The following PRR16 variants were observed in gnomAD, a reference collection of about 807,000 sequenced individuals.
PRR16 encodes protein Largen.
Under a neutral mutation model 18.2 loss-of-function variants are expected in PRR16, and 6 were observed. The observed-to-expected ratio is 0.33, with a 90% CI of 0.18 to 0.65. PRR16 has a LOEUF of 0.65. PRR16 is among the 30% of genes least tolerant of loss of function. The probability of loss-of-function intolerance (pLI) is 0.74; values close to 1 mark genes in which losing one functional copy is unlikely to be tolerated. For synonymous variants in PRR16, 151 were observed against 147.8 expected (o/e 1.02, Z -0.16); for missense variants, 412 against 376.6 (o/e 1.09, Z -0.78).
intron 1 of PRR16, among the ~76,000 whole-genome samples, chr5:120,676,049 A>T (rs758813496): frequency 2.2e-4 from 34 of 152,174 alleles, no homozygotes; most frequent in Non-Finnish European, 4.4e-4. Flanking sequence ...AAAATTTTTA[A>T]GTATATATCC....
At chr5:120,682,992 C>T (rs1197201009) in intron 1 of PRR16, among the ~76,000 whole-genome samples, 1 of 152,162 alleles carries the variant, frequency 6.6e-6, no homozygotes, top group Non-Finnish European at 1.5e-5. Flanking sequence ...GTTAACCTGA[C>T]TAAGAGAAGA....
At chr5:120,682,750 T>C (rs142386708) in intron 1 of PRR16, among the ~76,000 whole-genome samples, 445 of 152,298 alleles carry the variant, frequency 2.9e-3, no homozygotes, top group Non-Finnish European at 5.0e-3. Flanking sequence ...CAGTGGTCAT[T>C]TATGGATAAA....
At chr5:120,533,065 GC>G (rs1751602521) in intron 1 of PRR16, among the ~76,000 whole-genome samples, 1 of 152,152 alleles carries the variant, frequency 6.6e-6, no homozygotes, top group African/African-American at 2.4e-5. Context: ...CCTTGTGGGG[GC>G]TACGGCAACT....
the PRR16 span, among the ~76,000 whole-genome samples, chr5:120,697,617 G>A: frequency 6.6e-6 from 1 of 152,126 alleles, no homozygotes; most frequent in African/African-American, 2.4e-5. Context: ...TTTCACCTGG[G>A]TGCAGGCGGG....
chr5:120,691,483 CTAT>C (rs1757208630), downstream of PRR16, among the ~76,000 whole-genome samples: 1 of 151,972 alleles, frequency 6.6e-6, no homozygotes, highest in South Asian at 2.1e-4. Context: ...AGTTCAAAGA[CTAT>C]TATTTTGGAT....
At chr5:120,755,641 A>C in the PRR16 span, among the ~76,000 whole-genome samples, 1 of 152,010 alleles carries the variant, frequency 6.6e-6, no homozygotes, top group Non-Finnish European at 1.5e-5. Flanking sequence ...GTCGAGGACC[A>C]CCTAGGTTGA....
chr5:120,663,621 A>G (rs1030772772), intron 1 of PRR16, among the ~76,000 whole-genome samples: 49 of 152,312 alleles, frequency 3.2e-4, no homozygotes, highest in African/African-American at 1.2e-3. Flanking sequence ...AGCTCAAGCT[A>G]AAACACTTGA....
chr5:120,564,191 CTG>C (rs2112722465), intron 1 of PRR16, among the ~76,000 whole-genome samples: 1 of 152,246 alleles, frequency 6.6e-6, no homozygotes, highest in Admixed American at 6.5e-5. Context: ...ACTTTTGTTG[CTG>C]TGAGCTGCAA....
intron 1 of PRR16, among the ~76,000 whole-genome samples, chr5:120,541,810 T>A (rs1751925197): frequency 6.6e-6 from 1 of 152,138 alleles, no homozygotes; most frequent in African/African-American, 2.4e-5. Flanking sequence ...ATAGGCTTTG[T>A]GGAATAGATA....
chr5:120,667,061 A>G (rs1246176809), intron 1 of PRR16, among the ~76,000 whole-genome samples: 1 of 151,776 alleles, frequency 6.6e-6, no homozygotes, highest in Non-Finnish European at 1.5e-5. Context: ...TACCTCTGGT[A>G]GAATTCGGCT....
At chr5:120,581,178 A>T (rs1753259609) in intron 1 of PRR16, among the ~76,000 whole-genome samples, 1 of 152,152 alleles carries the variant, frequency 6.6e-6, no homozygotes, top group Admixed American at 6.5e-5. Flanking sequence ...GTAGGCTATT[A>T]ATTACTACCT....
chr5:120,710,328 G>C, the PRR16 span, among the ~76,000 whole-genome samples: 1 of 152,040 alleles, frequency 6.6e-6, no homozygotes, highest in African/African-American at 2.4e-5. Flanking sequence ...TTTAGTGGGA[G>C]GAAAGGGGAG....
chr5:120,497,942 G>A (rs1013202959), intron 1 of PRR16, among the ~76,000 whole-genome samples: 1 of 151,500 alleles, frequency 6.6e-6, no homozygotes, highest in Non-Finnish European at 1.5e-5. Flanking sequence ...ATATTGATGT[G>A]AGTTTTTAAT....
chr5:120,687,555 C>A (rs1183923077), downstream of PRR16, among the ~76,000 whole-genome samples: 1 of 152,210 alleles, frequency 6.6e-6, no homozygotes, highest in African/African-American at 2.4e-5. Context: ...CCTCCTCATA[C>A]TCAGCATTCT....
the PRR16 span, among the ~76,000 whole-genome samples, chr5:120,751,014 C>T: frequency 6.6e-6 from 1 of 152,004 alleles, no homozygotes; most frequent in Admixed American, 6.6e-5. Flanking sequence ...TTTTAGCTTC[C>T]ATATATGAAG....
rs573776942 is a variant in PRR16 at position 120,632,872 on chromosome 5, C to G, written c.160-53082C>G. Among the ~76,000 whole-genome samples, 55 of 152,220 alleles carry G rather than the reference C, an allele frequency of 3.6e-4. 1 individual carries two copies. In the South Asian group the frequency reaches 0.011, roughly 31 times the overall value. ...GATCTAGACATGCAAATACAAGAAG[C>G]TCAAATAACACCTGGGAAATTCATT... is the stretch of plus-strand genomic sequence containing the variant. On this transcript the variant is annotated intron_variant, in intron 1 of 1. Transcript: ENST00000407149.
At chr5:120,638,097 T>C (rs1242508639) in intron 1 of PRR16, among the ~76,000 whole-genome samples, 1 of 152,124 alleles carries the variant, frequency 6.6e-6, no homozygotes, top group African/African-American at 2.4e-5. Flanking sequence ...ACAAATAGCC[T>C]GGAGGTAATG....
chr5:120,690,551 T>C (rs1757196904), downstream of PRR16, among the ~76,000 whole-genome samples: 1 of 152,164 alleles, frequency 6.6e-6, no homozygotes, highest in Admixed American at 6.6e-5. Context: ...GAGCAATAAA[T>C]TTCTATAAAA....
the PRR16 span, among the ~76,000 whole-genome samples, chr5:120,788,228 T>G: frequency 1.1e-4 from 17 of 152,084 alleles, no homozygotes; most frequent in African/African-American, 3.6e-4. Context: ...AAGAAATAAG[T>G]TTTTTGTATC....
Sources: gnomAD v4.1 joint callset for allele counts (sites outside exome capture counted in the v4.1 genomes callset) on GRCh38, gnomAD v4.1.1 for gene constraint, MANE v1.5 for transcripts, NCBI Gene and HGNC (gene_info 2026-07-23, HGNC 2026-07-21) for gene names.